RERE: variants seen among roughly 807,000 people sequenced by gnomAD.
RERE encodes the protein arginine-glutamic acid dipeptide repeats protein.
A neutral mutation model predicts 146.1 loss-of-function variants in RERE; 40 were observed. That is an observed-to-expected ratio of 0.27 (90% confidence interval 0.21 to 0.36). RERE has a LOEUF of 0.36. Among genes scored for constraint, RERE ranks in the 10% least tolerant of loss-of-function variants. The pLI is 1.00. For missense variants in RERE, 1,933 were observed against 2,138.7 expected, an observed-to-expected ratio of 0.90 and a Z score of 1.90; for synonymous variants, 1,003 against 866.0, an observed-to-expected ratio of 1.16 and a Z score of -2.78.
intron 12 of RERE, among the ~76,000 whole-genome samples, chr1:8,408,450 G>C (rs1643515399): frequency 6.6e-6 from 1 of 152,204 alleles, no homozygotes; most frequent in Non-Finnish European, 1.5e-5. Context: ...ACCAAAATTT[G>C]TAAGAGGTCA....
intron 11 of RERE, among the ~76,000 whole-genome samples, chr1:8,457,761 C>A (rs1014321966): frequency 6.6e-6 from 1 of 152,034 alleles, no homozygotes; most frequent in African/African-American, 2.4e-5. Flanking sequence ...CCACCACGCC[C>A]AGCTAATTTT....
Position 8,781,913 on chromosome 1 carries a change from T to G in RERE, c.-145+35247A>C, listed in dbSNP as rs1223724680. On this transcript the variant is annotated intron_variant, in intron 1 of 22. Transcript: ENST00000400908. ...TTTTACTGACAAGCAGTTTTTAAAT[T>G]GCAGGTTCACAGAGGGATTTGGGGG... Among the ~76,000 whole-genome samples, 5 of 152,108 alleles carry G rather than the reference T, an allele frequency of 3.3e-5. No individual in the cohort carries two copies. In the South Asian group the frequency reaches 1.0e-3, roughly 32 times the overall value.
chr1:8,556,483 A>T lies in RERE; in HGVS notation c.717T>A (p.Ala239=), dbSNP rs767253136. The change falls in exon 6 of 23, where the codon GCT becomes GCA. Residue 239 remains alanine, a synonymous_variant. Transcript: ENST00000400908. ...ISDYVDTYHA[A]ALRGKCNISH... ...ACGTCTCCAGTACTTACCTAAGGGC[A>T]GCAGCATGGTAAGTGTCAACGTAAT... 5.1e-5 allele frequency: 81 copies of T among 1,591,024 alleles called. No individual in the cohort carries two copies. The highest frequency in any genetic ancestry group is 6.9e-5 in the Non-Finnish European group (80 of 1,159,080).
At chr1:8,362,555 G>C in intron 16 of RERE, 128 bp downstream of exon 16, 1 of 1,246,354 alleles carries the variant, frequency 8.0e-7, no homozygotes, top group Admixed American at 2.0e-5. Flanking sequence ...GGACAATGCT[G>C]GTGTCCAGAC....
chr1:8,754,177 G>T (rs1640591328), intron 1 of RERE, among the ~76,000 whole-genome samples: 2 of 151,788 alleles, frequency 1.3e-5, no homozygotes, highest in Non-Finnish European at 2.9e-5. Flanking sequence ...ATGTGTTAGG[G>T]AGTGTTTCAT....
intron 1 of RERE, among the ~76,000 whole-genome samples, chr1:8,693,081 C>T (rs916254244): frequency 5.9e-5 from 9 of 152,144 alleles, no homozygotes; most frequent in Non-Finnish European, 1.3e-4. Flanking sequence ...AAATCCACTA[C>T]ACTGACAACA....
intron 7 of RERE, among the ~76,000 whole-genome samples, chr1:8,531,925 G>A (rs1645659205): frequency 6.6e-6 from 1 of 152,190 alleles, no homozygotes; most frequent in Non-Finnish European, 1.5e-5. Context: ...AACTAAAATA[G>A]TATAATTGGA....
intron 1 of RERE, among the ~76,000 whole-genome samples, chr1:8,671,779 C>T (rs758397382): frequency 3.9e-5 from 6 of 152,014 alleles, no homozygotes; most frequent in Non-Finnish European, 7.4e-5. Flanking sequence ...TTAATGGGTT[C>T]GCTAGTGATA....
At chr1:8,384,757 T>C (rs1298903914) in intron 12 of RERE, among the ~76,000 whole-genome samples, 1 of 152,218 alleles carries the variant, frequency 6.6e-6, no homozygotes, top group Non-Finnish European at 1.5e-5. Flanking sequence ...AGGCTACTAA[T>C]AAAGAGGTTG....
rs115125725 is a variant in RERE at position 8,400,381 on chromosome 1, T to C, written c.1284+22346A>G. 5.2e-3 allele frequency among the ~76,000 whole-genome samples: 784 copies of C among 152,132 alleles called. 2 individuals are homozygous for C. Among genetic ancestry groups the C allele is most frequent in the African/African-American group, 0.018 (738 of 41,524 alleles). ...AATCCTCCCACCTCAGCCTCCCAAG[T>C]AGTGGGACTACAGGCGCATGCCACC... is the stretch of plus-strand genomic sequence containing the variant. On this transcript the variant is annotated intron_variant, in intron 12 of 22. Coordinates refer to ENST00000400908, the MANE Select transcript of RERE (RefSeq NM_001042681.2).
At chr1:8,608,901 G>A (rs1646755948) in intron 4 of RERE, among the ~76,000 whole-genome samples, 1 of 152,074 alleles carries the variant, frequency 6.6e-6, no homozygotes, top group Admixed American at 6.5e-5. Context: ...TGGCCAACAT[G>A]GTGAAACCCT....
intron 1 of RERE, among the ~76,000 whole-genome samples, chr1:8,811,913 A>G (rs1641819305): frequency 3.9e-5 from 6 of 152,186 alleles, no homozygotes; most frequent in Admixed American, 3.9e-4. Flanking sequence ...AGGCGCCACA[A>G]ACTCCTCCTG....
chr1:8,817,008 C>A (rs1486988424), intron 1 of RERE, among the ~76,000 whole-genome samples, 152 bp downstream of exon 1: 1 of 152,196 alleles, frequency 6.6e-6, no homozygotes, highest in Non-Finnish European at 1.5e-5. Flanking sequence ...TGCCCTCGCC[C>A]GACTCCCCTC....
intron 10 of RERE, among the ~76,000 whole-genome samples, chr1:8,473,709 C>G (rs1644719471): frequency 6.6e-6 from 1 of 152,144 alleles, no homozygotes; most frequent in Non-Finnish European, 1.5e-5. Context: ...TAGCCCTGTC[C>G]CGAACCAGTT....
At chr1:8,741,810 A>G (rs1640315441) in intron 1 of RERE, among the ~76,000 whole-genome samples, 1 of 152,212 alleles carries the variant, frequency 6.6e-6, no homozygotes, top group Non-Finnish European at 1.5e-5. Context: ...TAACAACTTA[A>G]AAGGAGAAAA....
Position 8,711,658 on chromosome 1 carries a change from A to G in RERE, c.-144-55217T>C, listed in dbSNP as rs77084115. On this transcript the variant is annotated intron_variant, in intron 1 of 22. Transcript: ENST00000400908. Reference sequence around the variant, plus strand: ...AAGAGCTCAGGGATGCAGGGCCTCAATGGGATGTTTAAAATGAGGCCCCTC... The same window carrying G: ...AAGAGCTCAGGGATGCAGGGCCTCAGTGGGATGTTTAAAATGAGGCCCCTC... 1.3e-3 allele frequency among the ~76,000 whole-genome samples: 191 copies of G among 152,326 alleles called. 1 individual carries two copies. The highest frequency in any genetic ancestry group is 2.4e-3 in the Non-Finnish European group (165 of 68,022).
intron 1 of RERE, among the ~76,000 whole-genome samples, chr1:8,756,879 G>T (rs1373038046): frequency 6.6e-6 from 1 of 152,054 alleles, no homozygotes; most frequent in Non-Finnish European, 1.5e-5. Context: ...ATCACCTGAC[G>T]TCAGGAGTTT....
intron 11 of RERE, among the ~76,000 whole-genome samples, chr1:8,457,239 C>G (rs1291420027): frequency 1.3e-5 from 2 of 152,194 alleles, no homozygotes; most frequent in Non-Finnish European, 2.9e-5. Flanking sequence ...CAGAGCCAGA[C>G]AGACAGATCC....
chr1:8,448,467 GA>G (rs547866273), intron 11 of RERE, among the ~76,000 whole-genome samples: 333 of 150,878 alleles, frequency 2.2e-3, no homozygotes, highest in Non-Finnish European at 3.5e-3. Context: ...TAAAAAGGGG[GA>G]AAAAAAAAGG....
Sources: gnomAD v4.1 joint callset for allele counts (sites outside exome capture counted in the v4.1 genomes callset) on GRCh38, gnomAD v4.1.1 for gene constraint, MANE v1.5 for transcripts, NCBI Gene and HGNC (gene_info 2026-07-23, HGNC 2026-07-21) for gene names.